The following CBLIF variants were observed in gnomAD, a reference collection of about 807,000 sequenced individuals.
The protein encoded by CBLIF is gastric intrinsic factor (vitamin B synthesis).
Under a neutral mutation model 44.9 loss-of-function variants are expected in CBLIF, and 24 were observed. That is an observed-to-expected ratio of 0.53 (90% CI 0.39 to 0.75). The LOEUF is 0.75. Among genes scored for constraint, CBLIF ranks in the 30% least tolerant of loss-of-function variants. The pLI is 0.00. For missense variants in CBLIF, 481 were observed against 513.0 expected (o/e 0.94, Z 0.60); for synonymous variants, 183 against 190.9 (o/e 0.96, Z 0.34).
Position 59,845,403 on chromosome 11 carries a change from C to T in CBLIF, c.51G>A (p.Gly17=), listed in dbSNP as rs772233552. Residue 17 remains glycine (G), a synonymous_variant, in exon 1 of 9, where the codon GGG becomes GGA. Transcript: ENST00000257248. ...YLLSLLWATA[G]TSTQTQSSCS... is the part of the protein sequence containing the mutation. ...ATGAACTCTGGGTCTGGGTACTAGTCCCAGCTGTAGCCCAGAGAAGGCTCA... is the reference window on the plus strand; with the variant it reads ...ATGAACTCTGGGTCTGGGTACTAGTTCCAGCTGTAGCCCAGAGAAGGCTCA... 12 of 1,612,582 alleles carry T rather than the reference C, an allele frequency of 7.4e-6. No individual in the cohort carries two copies. In the Admixed American group the frequency reaches 1.8e-4, roughly 25 times the overall value.
chr11:59,830,109 A>G (rs1429960352), intron 8 of CBLIF, among the ~76,000 whole-genome samples: 1 of 152,188 alleles, frequency 6.6e-6, no homozygotes, highest in Non-Finnish European at 1.5e-5. Flanking sequence ...AACAGAAAGA[A>G]TGACAGTTTC....
intron 1 of CBLIF, 71 bp downstream of exon 1, chr11:59,845,304 G>T (rs763961850): frequency 6.2e-7 from 1 of 1,604,820 alleles, no homozygotes; most frequent in Non-Finnish European, 8.5e-7. Context: ...CAACCACTCA[G>T]TGTCAGAGGT....
Position 59,844,065 on chromosome 11 carries a change from G to A in CBLIF, c.80-10C>T. On this transcript the variant is annotated splice_polypyrimidine_tract_variant and intron_variant, in intron 1 of 8. Transcript: ENST00000257248. ...TGTGCTGAGGGAACGGCTGAGAAGA[G>A]GAAAGCCATTTACTCACCTTCTAAC... 6.2e-7 allele frequency: 1 copy of A among 1,608,950 alleles called. No homozygotes were observed. The highest frequency in any genetic ancestry group is 8.5e-7 in the Non-Finnish European group (1 of 1,175,384).
At chr11:59,837,704 C>T (rs186301201) in intron 5 of CBLIF, among the ~76,000 whole-genome samples, 1 of 152,278 alleles carries the variant, frequency 6.6e-6, no homozygotes, top group East Asian at 1.9e-4. Context: ...ACGGAGTAGA[C>T]CCCTTGTTTC....
In CBLIF at chr11:59,829,490, C is replaced by T. The variant is rs1866339429; in HGVS notation, c.1248G>A (p.Gln416=). The change falls in exon 9 of 9, where the codon CAG becomes CAA. Residue 416 remains glutamine, a synonymous_variant. Coordinates refer to ENST00000257248, the MANE Select transcript of CBLIF (RefSeq NM_005142.3). The part of the protein sequence containing the change: ...NHEHITANFT[Q]Y ...AGCTGAACCCACCTCTTCGTTAGTA[C>T]TGTGTGAAATTGGCTGTGATGTGCT... The T allele has an allele frequency of 6.2e-7, 1 of 1,603,298 alleles. No individual in the cohort carries two copies. The highest frequency in any genetic ancestry group is 8.5e-7 in the Non-Finnish European group (1 of 1,170,164).
At chr11:59,836,774 T>G (rs1169387289) in intron 6 of CBLIF, among the ~76,000 whole-genome samples, 1 of 152,192 alleles carries the variant, frequency 6.6e-6, no homozygotes, top group East Asian at 1.9e-4. Flanking sequence ...AATATTGTAG[T>G]TTTTGTTTAC....
At chr11:59,839,805 A>G (rs1470947476) in intron 5 of CBLIF, among the ~76,000 whole-genome samples, 1 of 152,150 alleles carries the variant, frequency 6.6e-6, no homozygotes, top group Non-Finnish European at 1.5e-5. Flanking sequence ...ATAAAATCCA[A>G]ACAGAATTCA....
intron 1 of CBLIF, among the ~76,000 whole-genome samples, chr11:59,844,932 C>A (rs954384753): frequency 2.6e-5 from 4 of 152,146 alleles, no homozygotes; most frequent in Non-Finnish European, 4.4e-5. Context: ...ACTGCAGCCT[C>A]GACCTCCTGG....
chr11:59,832,457 TG>T (rs1317006616), intron 7 of CBLIF, among the ~76,000 whole-genome samples: 1 of 151,874 alleles, frequency 6.6e-6, no homozygotes, highest in Non-Finnish European at 1.5e-5. Flanking sequence ...AACATGCAAA[TG>T]TACCCCAAAC....
At chr11:59,842,616 C>T in intron 3 of CBLIF, 33 bp from the exon 4 acceptor site, 1 of 1,607,398 alleles carries the variant, frequency 6.2e-7, no homozygotes, top group Non-Finnish European at 8.5e-7. Flanking sequence ...TCATCAGACT[C>T]ACAGTCACCA....
chr11:59,833,758 CTT>C (rs1866405745), intron 7 of CBLIF, among the ~76,000 whole-genome samples: 3 of 152,134 alleles, frequency 2.0e-5, no homozygotes, highest in Admixed American at 2.0e-4. Context: ...AGAAAAGATG[CTT>C]TTTTCCTTTC....
chr11:59,832,304 A>G (rs1866384397), intron 7 of CBLIF, among the ~76,000 whole-genome samples: 1 of 152,154 alleles, frequency 6.6e-6, no homozygotes, highest in African/African-American at 2.4e-5. Context: ...GAGGGGAACA[A>G]CACACACAGG....
chr11:59,837,162 T>A lies in CBLIF; in HGVS notation c.871+12A>T, dbSNP rs1285346918. 3 of 1,604,000 alleles carry A rather than the reference T, an allele frequency of 1.9e-6. No homozygotes were observed. The African/African-American group carries it at 4.0e-5, about 21-fold the overall frequency. ...TGCTGCTTTATGACATAAGGAGAGGTGGATGTCTTACCAGGACTACAAGTG... is the reference window on the plus strand; with the variant it reads ...TGCTGCTTTATGACATAAGGAGAGGAGGATGTCTTACCAGGACTACAAGTG... On this transcript the variant is annotated intron_variant, in intron 6 of 8. Coordinates refer to ENST00000257248, the MANE Select transcript of CBLIF (RefSeq NM_005142.3).
At position 59,836,001 on chromosome 11, in the gene CBLIF, C is replaced by G. The variant is rs140790747; in HGVS notation, c.880G>C (p.Val294Leu). The stretch of plus-strand genomic sequence containing the variant: ...GGGTTGCTGGGTAGAGTTGGTTGTA[C>G]CTCATGATCTGTGAAGGGCAAAGAG... ...PQVTCSPDHE[V>L]QPTLPSNPGP... The change falls in exon 7 of 9, where the codon GTA becomes CTA. Residue 294 changes from valine (V) to leucine (L), a missense_variant. Physicochemically the swap from Val to Leu is conservative, Grantham distance 32. Transcript: ENST00000257248. 5.0e-6 allele frequency: 8 copies of G among 1,613,568 alleles called. No individual in the cohort carries two copies. The African/African-American group carries it at 1.1e-4, about 22-fold the overall frequency.
chr11:59,834,183 C>T (rs1413612014), intron 7 of CBLIF, among the ~76,000 whole-genome samples: 2 of 152,032 alleles, frequency 1.3e-5, no homozygotes, highest in African/African-American at 4.8e-5. Context: ...GACCTCTTTT[C>T]CTAGTACTTC....
intron 4 of CBLIF, 64 bp downstream of exon 4, chr11:59,842,379 G>C (rs1196818590): frequency 3.2e-6 from 5 of 1,567,190 alleles, no homozygotes; most frequent in Middle Eastern, 2.2e-4. Flanking sequence ...TTCCCTGCCA[G>C]CTCCACCATT....
chr11:59,837,418 T>G, intron 5 of CBLIF, 67 bp from the exon 6 acceptor site: 1 of 1,137,444 alleles, frequency 8.8e-7, no homozygotes, highest in Non-Finnish European at 1.3e-6. Context: ...CTCTTACATG[T>G]CTTAAGAGAT....
Position 59,829,552 on chromosome 11 carries a change from A to G in CBLIF, c.1193-7T>C, listed in dbSNP as rs1461908249. On this transcript the variant is annotated splice_polypyrimidine_tract_variant and splice_region_variant and intron_variant, in intron 8 of 8. Transcript: ENST00000257248. ...GGTATGTAGTCAGCAACCCCTGGAA[A>G]TAAGCAGAGAATAACATGAGGTGAC... 6.3e-7 allele frequency: 1 copy of G among 1,592,492 alleles called. No individual in the cohort carries two copies. The highest frequency in any genetic ancestry group is 1.3e-5 in the African/African-American group (1 of 74,602).
chr11:59,844,226 C>T lies in CBLIF; in HGVS notation c.80-171G>A, dbSNP rs1361332780. ...GATCTCGGCTCACTGCAAACTCTGCCTCCCAGGTTCAAGTGATTCTCCTGC... is the reference window on the plus strand; with the variant it reads ...GATCTCGGCTCACTGCAAACTCTGCTTCCCAGGTTCAAGTGATTCTCCTGC... On this transcript the variant is annotated intron_variant, in intron 1 of 8. Transcript: ENST00000257248. Among the ~76,000 whole-genome samples, 5 of 152,272 alleles carry T rather than the reference C, an allele frequency of 3.3e-5. No homozygotes were observed. The East Asian group carries it at 9.6e-4, about 29-fold the overall frequency.
Sources: gnomAD v4.1 joint callset for allele counts (sites outside exome capture counted in the v4.1 genomes callset) on GRCh38, gnomAD v4.1.1 for gene constraint, MANE v1.5 for transcripts, NCBI Gene and HGNC (gene_info 2026-07-23, HGNC 2026-07-21) for gene names.